P3H2: variants seen among roughly 807,000 people sequenced by gnomAD.
P3H2 encodes leprecan-like 1.
A neutral mutation model predicts 87.0 loss-of-function variants in P3H2; 80 were observed. The ratio of observed to expected loss-of-function variants is 0.92; its 90% CI spans 0.77 to 1.11. The LOEUF (loss-of-function observed/expected upper bound fraction) is 1.11, where lower values mean the gene tolerates loss of function less well. Among genes scored for constraint, P3H2 ranks in the 50% least tolerant of loss-of-function variants. The pLI is 0.00. For synonymous variants in P3H2, 367 were observed against 359.3 expected, an observed-to-expected ratio of 1.02 and a Z score of -0.24; for missense variants, 1,001 against 923.9, an observed-to-expected ratio of 1.08 and a Z score of -1.08.
intron 1 of P3H2, among the ~76,000 whole-genome samples, chr3:190,079,457 T>C (rs929266157): frequency 6.6e-6 from 1 of 152,208 alleles, no homozygotes; most frequent in Non-Finnish European, 1.5e-5. Flanking sequence ...TGAGTTAGTA[T>C]ATGTAAGCAC....
intron 1 of P3H2, among the ~76,000 whole-genome samples, chr3:190,096,723 C>T (rs1727599817): frequency 6.6e-6 from 1 of 152,170 alleles, no homozygotes; most frequent in South Asian, 2.1e-4. Context: ...CCATGCCTAT[C>T]ATAGGTCAAT....
intron 1 of P3H2, among the ~76,000 whole-genome samples, chr3:190,100,238 G>GCC (rs776308851): frequency 2.1e-4 from 14 of 67,268 alleles, no homozygotes; most frequent in East Asian, 6.0e-4. Context: ...TCCGTCCCCC[G>GCC]CCCCCCCCGC....
At chr3:189,978,467 A>T (rs1723420196) in intron 8 of P3H2, among the ~76,000 whole-genome samples, 1 of 152,218 alleles carries the variant, frequency 6.6e-6, no homozygotes, top group Admixed American at 6.5e-5. Flanking sequence ...GGATATTGAC[A>T]ATTCTCCTAG....
At chr3:190,049,249 A>G (rs926801396) in intron 1 of P3H2, among the ~76,000 whole-genome samples, 7 of 139,390 alleles carry the variant, frequency 5.0e-5, no homozygotes, top group African/African-American at 1.9e-4. Context: ...GGCACTACCT[A>G]ACATTTCAAT....
intron 1 of P3H2, among the ~76,000 whole-genome samples, chr3:190,074,597 T>C (rs2108975208): frequency 6.6e-6 from 1 of 152,244 alleles, no homozygotes; most frequent in Admixed American, 6.6e-5. Flanking sequence ...AGATATCACC[T>C]AATTTATCAT....
rs71175322 is a variant in P3H2, at chr3:189,970,191, AATATATAT to A, written c.1893+617_1893+624del. Among the ~76,000 whole-genome samples, 131 of 53,960 alleles carry A rather than the reference AATATATAT, an allele frequency of 2.4e-3. 12 individuals carry two copies. The East Asian group carries it at 0.033, about 13-fold the overall frequency. 35.4% of individuals were successfully genotyped at this position (53,960 alleles called of 152,430 possible). On this transcript the variant is annotated intron_variant, in intron 13 of 14. Transcript: ENST00000319332. ...ATCTCTCTATGCATATATATATGCA[AATATATAT>A]ATATATATATATATATATATATATG... is the stretch of plus-strand genomic sequence containing the variant.
chr3:190,040,366 T>C (rs981851343), intron 1 of P3H2, among the ~76,000 whole-genome samples: 2 of 152,176 alleles, frequency 1.3e-5, no homozygotes, highest in Admixed American at 6.5e-5. Context: ...CTGAGGCTTG[T>C]AAGGGAGAAT....
intron 10 of P3H2, 85 bp from the exon 11 acceptor site, chr3:189,973,109 T>A: frequency 8.0e-7 from 1 of 1,246,050 alleles, no homozygotes; most frequent in Non-Finnish European, 1.1e-6. Flanking sequence ...ATTGAGCCAA[T>A]ATAGGATTGT....
At chr3:189,986,070 G>T (rs1293913034) in intron 6 of P3H2, among the ~76,000 whole-genome samples, 1 of 152,170 alleles carries the variant, frequency 6.6e-6, no homozygotes, top group Admixed American at 6.5e-5. Context: ...TGATGGGTGT[G>T]ATAGCATTGT....
At chr3:190,020,159 G>A (rs539931496) in intron 1 of P3H2, among the ~76,000 whole-genome samples, 3 of 132,742 alleles carry the variant, frequency 2.3e-5, no homozygotes, top group African/African-American at 7.8e-5. Flanking sequence ...CCTTCAGAAA[G>A]GCTAAGGCGT....
intron 1 of P3H2, among the ~76,000 whole-genome samples, chr3:190,090,210 T>G (rs1297981744): frequency 6.6e-6 from 1 of 152,222 alleles, no homozygotes; most frequent in African/African-American, 2.4e-5. Flanking sequence ...TGGAAATTTC[T>G]TTAGAAGATA....
chr3:189,974,005 C>G lies in P3H2; in HGVS notation c.1453-1G>C. On this transcript the variant is annotated splice_acceptor_variant, in intron 9 of 14. Coordinates refer to ENST00000319332, the MANE Select transcript of P3H2 (RefSeq NM_018192.4). LOFTEE classifies it high-confidence loss of function. ...ATCCATCACCAACAAGCATGATTCCCTGGAAGCAAATACAAGAAGATACGT... is the reference window on the plus strand; with the variant it reads ...ATCCATCACCAACAAGCATGATTCCGTGGAAGCAAATACAAGAAGATACGT... The G allele has an allele frequency of 6.2e-7, 1 of 1,611,508 alleles. No individual in the cohort carries two copies. The highest frequency in any genetic ancestry group is 8.5e-7 in the Non-Finnish European group (1 of 1,177,658).
intron 8 of P3H2, among the ~76,000 whole-genome samples, chr3:189,978,452 T>C (rs951214083): frequency 6.6e-6 from 1 of 152,196 alleles, no homozygotes; most frequent in African/African-American, 2.4e-5. Context: ...AAGAGAAGGC[T>C]ACTGGGATAT....
chr3:190,104,458 A>C (rs920145210), intron 1 of P3H2, among the ~76,000 whole-genome samples: 1 of 152,130 alleles, frequency 6.6e-6, no homozygotes, highest in East Asian at 1.9e-4. Flanking sequence ...GGGATTATTT[A>C]AATATTATTA....
rs1314319491 is a variant in P3H2 at position 190,041,035 on chromosome 3, TATACACACACACACACACACACAC to T, written c.481-45617_481-45594del. Among the ~76,000 whole-genome samples, 247 of 39,798 alleles carry T rather than the reference TATACACACACACACACACACACAC, an allele frequency of 6.2e-3. 21 individuals carry two copies. Among genetic ancestry groups the T allele is most frequent in the African/African-American group, 0.032 (234 of 7,362 alleles). 26.1% of individuals were successfully genotyped at this position (39,798 alleles called of 152,430 possible). ...CATGGCTCTACTATATATATATATA[TATACACACACACACACACACACAC>T]ACACACACACACACACACACACTCT... On this transcript the variant is annotated intron_variant, in intron 1 of 14. Coordinates refer to ENST00000319332, the MANE Select transcript of P3H2 (RefSeq NM_018192.4).
intron 1 of P3H2, among the ~76,000 whole-genome samples, chr3:190,013,959 G>A (rs1724673772): frequency 6.6e-6 from 1 of 151,918 alleles, no homozygotes; most frequent in African/African-American, 2.4e-5. Context: ...TAGGTGTAAT[G>A]TTTTCTTGAT....
intron 3 of P3H2, among the ~76,000 whole-genome samples, chr3:189,991,218 C>T (rs1418824860): frequency 1.3e-5 from 2 of 152,194 alleles, no homozygotes. Flanking sequence ...ATAAAACTTT[C>T]AGGAAAATAT....
chr3:190,084,954 A>AG lies in P3H2; in HGVS notation c.480+35297_480+35298insC, dbSNP rs201750781. Among the ~76,000 whole-genome samples, 1,234 of 152,038 alleles carry AG rather than the reference A, an allele frequency of 8.1e-3. 7 individuals are homozygous for AG. Among genetic ancestry groups the AG allele is most frequent in the Non-Finnish European group, 0.013 (894 of 67,984 alleles). On this transcript the variant is annotated intron_variant, in intron 1 of 14. Transcript: ENST00000319332. ...TCGAGAGCTAAGAGAAACAAACAAA[A>AG]AAAAAAAAGAAAGAAAGAAAACTAA...
intron 1 of P3H2, among the ~76,000 whole-genome samples, chr3:190,085,019 C>T (rs1188934617): frequency 6.6e-6 from 1 of 151,974 alleles, no homozygotes; most frequent in East Asian, 1.9e-4. Context: ...TGGTGTTCAT[C>T]TCAAATACAG....
Sources: gnomAD v4.1 joint callset for allele counts (sites outside exome capture counted in the v4.1 genomes callset) on GRCh38, gnomAD v4.1.1 for gene constraint, MANE v1.5 for transcripts, NCBI Gene and HGNC (gene_info 2026-07-23, HGNC 2026-07-21) for gene names.